The following FGF14 variants were observed in gnomAD, a reference collection of about 807,000 sequenced individuals.
FGF14 encodes the protein fibroblast growth factor homologous factor 4.
A neutral mutation model predicts 25.5 loss-of-function variants in FGF14; 5 were observed. The ratio of observed to expected loss-of-function variants is 0.20; its 90% CI spans 0.10 to 0.41. The LOEUF is 0.41. Among genes scored for constraint, FGF14 ranks in the 10% least tolerant of loss-of-function variants. The probability of loss-of-function intolerance (pLI) is 1.00; values close to 1 mark genes in which losing one functional copy is unlikely to be tolerated. For missense variants in FGF14, 222 were observed against 320.1 expected (o/e 0.69, Z 2.34); for synonymous variants, 138 against 118.3 (o/e 1.17, Z -1.08).
intron 1 of FGF14, among the ~76,000 whole-genome samples, chr13:102,263,877 TG>T (rs1462406760): frequency 6.6e-6 from 1 of 152,130 alleles, no homozygotes; most frequent in Non-Finnish European, 1.5e-5. Context: ...GGAAAAAAGT[TG>T]AGTGTCATTT....
chr13:102,124,233 TAAGAG>T (rs111645042), intron 1 of FGF14, among the ~76,000 whole-genome samples: 160 of 152,262 alleles, frequency 1.1e-3, no homozygotes, highest in African/African-American at 3.6e-3. Context: ...ACTGGGTTAT[TAAGAG>T]AAAAGAGGAA....
At chr13:102,063,178 T>C (rs1303109477) in intron 1 of FGF14, among the ~76,000 whole-genome samples, 2 of 152,212 alleles carry the variant, frequency 1.3e-5, no homozygotes, top group African/African-American at 4.8e-5. Context: ...AATGAATGAC[T>C]GTAGGACAAA....
At chr13:101,893,984 C>T (rs149132340) in intron 1 of FGF14, among the ~76,000 whole-genome samples, 10 of 150,706 alleles carry the variant, frequency 6.6e-5, no homozygotes, top group Non-Finnish European at 1.2e-4. Context: ...AGTGAAAGTG[C>T]TTTCACTAAA....
At chr13:101,913,012 T>G (rs1392686939) in intron 1 of FGF14, among the ~76,000 whole-genome samples, 1 of 152,162 alleles carries the variant, frequency 6.6e-6, no homozygotes, top group African/African-American at 2.4e-5. Flanking sequence ...CAGGTATATA[T>G]AAACAACAAC....
intron 1 of FGF14, among the ~76,000 whole-genome samples, chr13:102,357,649 T>A (rs1439251412): frequency 6.6e-6 from 1 of 152,138 alleles, no homozygotes; most frequent in Non-Finnish European, 1.5e-5. Context: ...TGGACAGAAA[T>A]AATAGGGACA....
At chr13:101,869,925 T>C (rs965640865) in intron 2 of FGF14, among the ~76,000 whole-genome samples, 5 of 152,160 alleles carry the variant, frequency 3.3e-5, no homozygotes, top group South Asian at 2.1e-4. Context: ...TCCTAATAGG[T>C]TGAAGAAAAT....
chr13:102,021,660 C>A (rs942574627), intron 1 of FGF14, among the ~76,000 whole-genome samples: 3 of 151,904 alleles, frequency 2.0e-5, no homozygotes, highest in African/African-American at 7.3e-5. Context: ...AATTGTTCAT[C>A]AATTAAATTC....
At chr13:102,304,430 C>T (rs1006065195) in intron 1 of FGF14, among the ~76,000 whole-genome samples, 2 of 152,140 alleles carry the variant, frequency 1.3e-5, no homozygotes, top group Admixed American at 1.3e-4. Context: ...CTCTATTCAA[C>T]CCTAAATACA....
At chr13:102,272,190 T>C (rs1026363950) in intron 1 of FGF14, among the ~76,000 whole-genome samples, 4 of 152,132 alleles carry the variant, frequency 2.6e-5, no homozygotes, top group African/African-American at 9.7e-5. Context: ...TACCGACAGT[T>C]CCCTCCCCAT....
In FGF14 at chr13:102,293,658, G is replaced by A. The variant is rs556566201; in HGVS notation, c.208+107813C>T. Reference sequence around the variant, plus strand: ...CCTCTGAGGTGGTATCTATAATGTGGTACTGAATTTCACTCTATCTTCACA... The same window carrying A: ...CCTCTGAGGTGGTATCTATAATGTGATACTGAATTTCACTCTATCTTCACA... On this transcript the variant is annotated intron_variant, in intron 1 of 4. Transcript: ENST00000376131. 6 of 152,266 alleles carry A rather than the reference G, an allele frequency of 3.9e-5. No homozygotes were observed. The South Asian group carries it at 1.2e-3, about 32-fold the overall frequency. 9.4% of individuals were successfully genotyped at this position (152,266 alleles called of 1,614,324 possible).
chr13:101,928,597 A>T (rs1006449244), intron 1 of FGF14, among the ~76,000 whole-genome samples: 5 of 152,116 alleles, frequency 3.3e-5, no homozygotes, highest in African/African-American at 1.2e-4. Flanking sequence ...AGGTTAGAAC[A>T]AGAAGTAGCC....
At chr13:101,778,303 C>G (rs7999540) in intron 3 of FGF14, among the ~76,000 whole-genome samples, 2 of 152,004 alleles carry the variant, frequency 1.3e-5, no homozygotes, top group Non-Finnish European at 2.9e-5. Context: ...GCTAAGCCAC[C>G]CTATTGTCCA....
chr13:101,731,495 A>G (rs1214589452), intron 3 of FGF14, among the ~76,000 whole-genome samples: 2 of 152,188 alleles, frequency 1.3e-5, no homozygotes, highest in East Asian at 1.9e-4. Context: ...CAGAAATGTT[A>G]TATCTTTTTT....
chr13:102,236,803 C>T (rs578020138), intron 1 of FGF14, among the ~76,000 whole-genome samples: 1 of 152,178 alleles, frequency 6.6e-6, no homozygotes, highest in Non-Finnish European at 1.5e-5. Context: ...GGATGCGGAA[C>T]CCTCATTTGC....
chr13:101,893,696 T>A (rs538730964), intron 1 of FGF14, among the ~76,000 whole-genome samples: 173 of 152,214 alleles, frequency 1.1e-3, no homozygotes, highest in Admixed American at 2.4e-3. Context: ...CCTCTAGAAA[T>A]GGAAGAAGGC....
chr13:102,205,569 G>T (rs557785256), intron 1 of FGF14, among the ~76,000 whole-genome samples: 2 of 152,000 alleles, frequency 1.3e-5, no homozygotes, highest in South Asian at 4.2e-4. Flanking sequence ...GTCAGAGGGG[G>T]AGGAATTAAT....
chr13:102,063,626 A>C (rs1041512528), intron 1 of FGF14, among the ~76,000 whole-genome samples: 3 of 152,146 alleles, frequency 2.0e-5, no homozygotes, highest in African/African-American at 4.8e-5. Context: ...AAAAAAAAAA[A>C]AGTTCGCAAT....
At chr13:101,916,046 T>C (rs1009441350) in intron 1 of FGF14, among the ~76,000 whole-genome samples, 2 of 152,084 alleles carry the variant, frequency 1.3e-5, no homozygotes, top group Non-Finnish European at 2.9e-5. Context: ...GCCCACCCCA[T>C]GGAAACCCCC....
At chr13:102,310,333 T>C (rs1259529378) in intron 1 of FGF14, among the ~76,000 whole-genome samples, 1 of 152,076 alleles carries the variant, frequency 6.6e-6, no homozygotes, top group Non-Finnish European at 1.5e-5. Context: ...ATTTTTACTG[T>C]TTGTTTGTTT....
Sources: gnomAD v4.1 joint callset for allele counts (sites outside exome capture counted in the v4.1 genomes callset) on GRCh38, gnomAD v4.1.1 for gene constraint, MANE v1.5 for transcripts, NCBI Gene and HGNC (gene_info 2026-07-23, HGNC 2026-07-21) for gene names.